Variants in TULP4 observed in about 807,000 individuals in gnomAD.
TULP4 encodes the protein tubby-related protein 4.
Under a neutral mutation model 129.0 loss-of-function variants are expected in TULP4, and 16 were observed. The ratio of observed to expected loss-of-function variants is 0.12; its 90% CI spans 0.08 to 0.19. TULP4 has a LOEUF of 0.19. TULP4 is among the 10% of genes least tolerant of loss of function. The pLI, the probability that TULP4 is intolerant of heterozygous loss-of-function variation, is 1.00. For synonymous variants in TULP4, 998 were observed against 854.0 expected, an observed-to-expected ratio of 1.17 and a Z score of -2.94; for missense variants, 1,842 against 2,059.1, an observed-to-expected ratio of 0.89 and a Z score of 2.04.
intron 11 of TULP4, among the ~76,000 whole-genome samples, chr6:158,497,609 T>C (rs1780360650): frequency 6.6e-6 from 1 of 152,240 alleles, no homozygotes. Flanking sequence ...CAACAAAGAA[T>C]AACACTTTAA....
At chr6:158,367,923 C>CAAA (rs11351338) in intron 1 of TULP4, among the ~76,000 whole-genome samples, 50 of 139,624 alleles carry the variant, frequency 3.6e-4, no homozygotes, top group African/African-American at 6.9e-4. Context: ...ACAAATAATA[C>CAAA]AAAAAAAAAA....
chr6:158,294,921 C>T (rs1779002834), intron 1 of TULP4, among the ~76,000 whole-genome samples: 1 of 152,036 alleles, frequency 6.6e-6, no homozygotes, highest in African/African-American at 2.4e-5. Flanking sequence ...CTGGGTTTTG[C>T]TATGTTGCCC....
rs112111805 is a variant in TULP4, at chr6:158,440,096, C to T, written c.544-8900C>T. Among the ~76,000 whole-genome samples, 428 of 151,622 alleles carry T rather than the reference C, an allele frequency of 2.8e-3. 1 individual carries two copies. Among genetic ancestry groups the T allele is most frequent in the African/African-American group, 9.5e-3 (391 of 41,372 alleles). ...ATTCCAGCACTTTGGGAGACCGAGGCGGGAGGATCACTGGAGTCCAGGAGT... is the reference window on the plus strand; with the variant it reads ...ATTCCAGCACTTTGGGAGACCGAGGTGGGAGGATCACTGGAGTCCAGGAGT... On this transcript the variant is annotated intron_variant, in intron 3 of 13. Transcript: ENST00000367097.
intron 4 of TULP4, among the ~76,000 whole-genome samples, chr6:158,450,290 A>C (rs1257894132): frequency 6.6e-6 from 1 of 152,144 alleles, no homozygotes; most frequent in Non-Finnish European, 1.5e-5. Context: ...CTTTCCTGCC[A>C]TTGTGGGGCA....
intron 1 of TULP4, among the ~76,000 whole-genome samples, chr6:158,392,245 A>G (rs565717793): frequency 1.2e-4 from 18 of 152,170 alleles, no homozygotes; most frequent in Non-Finnish European, 1.8e-4. Context: ...CTTATTCACT[A>G]TCACGACAAC....
intron 1 of TULP4, among the ~76,000 whole-genome samples, chr6:158,372,163 G>GTT (rs1491452956): frequency 2.9e-4 from 3 of 10,442 alleles, no homozygotes; most frequent in Admixed American, 1.2e-3. Flanking sequence ...CATTCTATCT[G>GTT]CTTTTTTTTT....
intron 1 of TULP4, among the ~76,000 whole-genome samples, chr6:158,351,514 T>G (rs1780519150): frequency 6.6e-6 from 1 of 152,146 alleles, no homozygotes; most frequent in Non-Finnish European, 1.5e-5. Context: ...TTATACATAC[T>G]GTGTTCTTAA....
At chr6:158,453,834 T>C (rs1468715777) in intron 5 of TULP4, among the ~76,000 whole-genome samples, 1 of 148,462 alleles carries the variant, frequency 6.7e-6, no homozygotes, top group East Asian at 2.0e-4. Context: ...GTGCCTATAG[T>C]CCCAGCTACT....
chr6:158,326,887 C>G (rs1431133602), intron 1 of TULP4, among the ~76,000 whole-genome samples: 1 of 152,032 alleles, frequency 6.6e-6, no homozygotes, highest in Non-Finnish European at 1.5e-5. Context: ...AAATACGGAT[C>G]AAAAATACAG....
At chr6:158,478,053 A>G (rs1779861855) in intron 6 of TULP4, among the ~76,000 whole-genome samples, 1 of 152,192 alleles carries the variant, frequency 6.6e-6, no homozygotes, top group Non-Finnish European at 1.5e-5. Context: ...CCGGACCTGA[A>G]TAACAAGAAC....
chr6:158,268,367 G>A (rs1778489011), intron 1 of TULP4, among the ~76,000 whole-genome samples: 1 of 152,024 alleles, frequency 6.6e-6, no homozygotes. Flanking sequence ...GGGACTTTGG[G>A]GAGAGGGATA....
intron 1 of TULP4, among the ~76,000 whole-genome samples, chr6:158,287,651 G>A (rs749977746): frequency 2.6e-5 from 4 of 152,198 alleles, no homozygotes; most frequent in African/African-American, 4.8e-5. Flanking sequence ...GAACTGGCAA[G>A]GATTTATGGA....
chr6:158,290,632 T>C (rs1778921050), intron 1 of TULP4, among the ~76,000 whole-genome samples: 1 of 152,184 alleles, frequency 6.6e-6, no homozygotes, highest in Admixed American at 6.5e-5. Flanking sequence ...TTTTATACTT[T>C]ATTTCTAGTT....
rs5881254 is a variant in TULP4, at chr6:158,342,947, A to ATGTGTGTGTGTGTGTGTGTGTGTGTGTG, written c.252+28691_252+28718dup. On this transcript the variant is annotated intron_variant, in intron 1 of 13. Coordinates refer to ENST00000367097, the MANE Select transcript of TULP4 (RefSeq NM_020245.5). ...TAGTGAACGATGAGATTAAAAATAA[A>ATGTGTGTGTGTGTGTGTGTGTGTGTGTG]TGTGTGTGTGTGTGTGTGTGTGTGT... Among the ~76,000 whole-genome samples the ATGTGTGTGTGTGTGTGTGTGTGTGTGTG allele has an allele frequency of 1.2e-3, 182 of 147,618 alleles. 2 individuals carry two copies. Among genetic ancestry groups the ATGTGTGTGTGTGTGTGTGTGTGTGTGTG allele is most frequent in the African/African-American group, 3.8e-3 (151 of 39,496 alleles).
chr6:158,350,607 C>G (rs1486160843), intron 1 of TULP4, among the ~76,000 whole-genome samples: 2 of 152,132 alleles, frequency 1.3e-5, no homozygotes, highest in Non-Finnish European at 2.9e-5. Flanking sequence ...TGCCTGGAAT[C>G]CCAGGCACTC....
chr6:158,494,648 C>G lies in TULP4; in HGVS notation c.1777-105C>G, dbSNP rs547183252. ...TAGGGAATGGGTGTTTCTTGCAGTG[C>G]ACACTCGTGGCTTAAGTAATAAATA... On this transcript the variant is annotated intron_variant, in intron 10 of 13. Coordinates refer to ENST00000367097, the MANE Select transcript of TULP4 (RefSeq NM_020245.5). 4.4e-4 allele frequency: 464 copies of G among 1,042,808 alleles called. 1 individual carries two copies. The highest frequency in any genetic ancestry group is 5.6e-4 in the Non-Finnish European group (401 of 715,298). 64.6% of individuals were successfully genotyped at this position (1,042,808 alleles called of 1,614,324 possible). A position where few individuals can be genotyped will look rare whatever the true frequency, so the allele number is the denominator to read the frequency against.
intron 1 of TULP4, among the ~76,000 whole-genome samples, chr6:158,243,354 A>C (rs886851106): frequency 7.9e-5 from 12 of 152,116 alleles, no homozygotes; most frequent in African/African-American, 2.9e-4. Flanking sequence ...TAGTATCATC[A>C]GATATCCAAT....
chr6:158,449,645 G>T (rs933441708), intron 4 of TULP4, among the ~76,000 whole-genome samples: 1 of 152,166 alleles, frequency 6.6e-6, no homozygotes, highest in African/African-American at 2.4e-5. Flanking sequence ...AGCACCTTGG[G>T]CAGATAACTC....
At chr6:158,287,692 A>G (rs565340723) in intron 1 of TULP4, among the ~76,000 whole-genome samples, 3 of 152,360 alleles carry the variant, frequency 2.0e-5, no homozygotes, top group Admixed American at 1.3e-4. Flanking sequence ...ATCATGAAAG[A>G]TGGCTAAAGT....
Sources: gnomAD v4.1 joint callset for allele counts (sites outside exome capture counted in the v4.1 genomes callset) on GRCh38, gnomAD v4.1.1 for gene constraint, MANE v1.5 for transcripts, NCBI Gene and HGNC (gene_info 2026-07-23, HGNC 2026-07-21) for gene names.